Variants in DPYD observed in about 807,000 individuals in gnomAD.
The protein encoded by DPYD is dihydropyrimidine dehydrogenase [NADP(+)].
DPYD carries 109 observed loss-of-function variants against 116.2 expected under a neutral mutation model. That is an observed-to-expected ratio of 0.94 (90% CI 0.80 to 1.10). The LOEUF is 1.10. Ranked by LOEUF, DPYD falls within the 50% of genes least tolerant of loss-of-function variation. The probability of loss-of-function intolerance (pLI) is 0.00; values close to 1 mark genes in which losing one functional copy is unlikely to be tolerated. For missense variants in DPYD, 1,302 were observed against 1,254.5 expected, an observed-to-expected ratio of 1.04 and a Z score of -0.57; for synonymous variants, 440 against 432.0, an observed-to-expected ratio of 1.02 and a Z score of -0.23.
At chr1:97,617,926 T>A (rs1656390349) in intron 8 of DPYD, among the ~76,000 whole-genome samples, 1 of 152,200 alleles carries the variant, frequency 6.6e-6, no homozygotes, top group Admixed American at 6.5e-5. Context: ...AGTCTCAAGC[T>A]GCCTTCTCTT....
chr1:97,804,317 C>T (rs1333170872), intron 3 of DPYD, among the ~76,000 whole-genome samples: 1 of 151,580 alleles, frequency 6.6e-6, no homozygotes, highest in Non-Finnish European at 1.5e-5. Flanking sequence ...CATAAAGACA[C>T]ATATAGAATT....
chr1:97,101,295 C>G (rs1315084275), intron 20 of DPYD, among the ~76,000 whole-genome samples: 1 of 151,586 alleles, frequency 6.6e-6, no homozygotes, highest in Non-Finnish European at 1.5e-5. Flanking sequence ...AATTTAAGTG[C>G]TTTAAAAAAT....
At chr1:97,337,139 A>G (rs779898227) in intron 16 of DPYD, among the ~76,000 whole-genome samples, 1 of 152,194 alleles carries the variant, frequency 6.6e-6, no homozygotes, top group Non-Finnish European at 1.5e-5. Context: ...GCAGAATCAA[A>G]GCAATTTTTA....
intron 12 of DPYD, among the ~76,000 whole-genome samples, chr1:97,523,863 C>T (rs80126442): frequency 0.011 from 1,620 of 151,922 alleles, 27 homozygotes; most frequent in African/African-American, 0.037. Context: ...TCATTTAATG[C>T]GTATAGTGTT....
intron 14 of DPYD, among the ~76,000 whole-genome samples, chr1:97,425,048 A>G (rs1046892463): frequency 1.3e-5 from 2 of 152,078 alleles, no homozygotes; most frequent in Admixed American, 1.3e-4. Flanking sequence ...AACCTAGGGT[A>G]TATGATGACT....
At chr1:97,476,689 T>C (rs1211724588) in intron 13 of DPYD, among the ~76,000 whole-genome samples, 1 of 151,848 alleles carries the variant, frequency 6.6e-6, no homozygotes, top group Non-Finnish European at 1.5e-5. Context: ...CGTATAAAGA[T>C]ATGTGCACAC....
intron 3 of DPYD, among the ~76,000 whole-genome samples, chr1:97,746,357 T>C (rs990186467): frequency 2.6e-5 from 4 of 152,124 alleles, no homozygotes; most frequent in Non-Finnish European, 4.4e-5. Context: ...AAATTAAATA[T>C]GCTACAAAAT....
intron 20 of DPYD, among the ~76,000 whole-genome samples, chr1:97,158,688 G>A (rs1655670754): frequency 6.6e-6 from 1 of 151,978 alleles, no homozygotes. Flanking sequence ...CTTCTAACTG[G>A]CTGAGAAATC....
At chr1:97,316,211 TG>T (rs930625387) in intron 16 of DPYD, among the ~76,000 whole-genome samples, 1 of 151,818 alleles carries the variant, frequency 6.6e-6, no homozygotes, top group Non-Finnish European at 1.5e-5. Flanking sequence ...ACTGAGAGGC[TG>T]GGCACATTGG....
intron 2 of DPYD, among the ~76,000 whole-genome samples, chr1:97,832,048 T>TGC (rs1669565643): frequency 8.6e-6 from 1 of 115,958 alleles, no homozygotes; most frequent in African/African-American, 4.1e-5. Flanking sequence ...TAATGTATTG[T>TGC]GTGTGTGTGT....
At chr1:97,675,632 G>A (rs1294343205) in intron 8 of DPYD, among the ~76,000 whole-genome samples, 1 of 152,040 alleles carries the variant, frequency 6.6e-6, no homozygotes, top group Non-Finnish European at 1.5e-5. Context: ...TCTTCATTAT[G>A]TCATAGTTAA....
At chr1:97,528,731 C>G (rs1423878111) in intron 12 of DPYD, among the ~76,000 whole-genome samples, 1 of 152,126 alleles carries the variant, frequency 6.6e-6, no homozygotes, top group Non-Finnish European at 1.5e-5. Context: ...TTCTATTCTA[C>G]AGCAAATCTA....
At chr1:97,286,120 G>A (rs1291840202) in intron 18 of DPYD, among the ~76,000 whole-genome samples, 1 of 152,184 alleles carries the variant, frequency 6.6e-6, no homozygotes, top group Non-Finnish European at 1.5e-5. Flanking sequence ...GCCTGGTGGT[G>A]AGAAAATCTC....
At chr1:97,658,101 AAAC>A (rs993476464) in intron 8 of DPYD, among the ~76,000 whole-genome samples, 5 of 152,174 alleles carry the variant, frequency 3.3e-5, no homozygotes, top group Admixed American at 6.5e-5. Context: ...AAATAAGCCA[AAAC>A]AACAAGAAAA....
intron 19 of DPYD, among the ~76,000 whole-genome samples, chr1:97,211,909 G>T (rs1313110473): frequency 1.3e-5 from 2 of 151,998 alleles, no homozygotes; most frequent in Non-Finnish European, 1.5e-5. Flanking sequence ...TGAAGAAATA[G>T]AACTCCTAAG....
At chr1:97,516,326 G>A (rs763378973) in intron 12 of DPYD, among the ~76,000 whole-genome samples, 1 of 151,972 alleles carries the variant, frequency 6.6e-6, no homozygotes, top group Non-Finnish European at 1.5e-5. Context: ...AAGTCAGGAG[G>A]CCTAAATTCA....
At chr1:97,674,665 A>T (rs967195191) in intron 8 of DPYD, among the ~76,000 whole-genome samples, 2 of 152,092 alleles carry the variant, frequency 1.3e-5, no homozygotes, top group Admixed American at 1.3e-4. Context: ...CTTTAAAAAA[A>T]AAAAAAGGAA....
chr1:97,595,526 T>TA (rs1351785742), intron 8 of DPYD, among the ~76,000 whole-genome samples: 2 of 151,724 alleles, frequency 1.3e-5, no homozygotes, highest in African/African-American at 2.4e-5. Flanking sequence ...GTACTAAATA[T>TA]AAAAAAAGTT....
intron 14 of DPYD, among the ~76,000 whole-genome samples, chr1:97,439,626 A>G (rs1359846753): frequency 6.6e-6 from 1 of 152,012 alleles, no homozygotes; most frequent in African/African-American, 2.4e-5. Flanking sequence ...CAGTCTGGCT[A>G]AAGTTTGGTC....
Sources: allele counts gnomAD v4.1 joint callset (sites outside exome capture counted in the v4.1 genomes callset), GRCh38; gene constraint gnomAD v4.1.1; transcripts MANE v1.5; gene names NCBI Gene and HGNC (gene_info 2026-07-23, HGNC 2026-07-21).